HDX: variants seen among roughly 807,000 people sequenced by gnomAD.
The protein encoded by HDX is highly divergent homeobox.
Under a neutral mutation model 45.2 loss-of-function variants are expected in HDX, and 19 were observed. The observed-to-expected ratio is 0.42, with a 90% CI of 0.29 to 0.62. HDX has a LOEUF of 0.62. HDX is among the 20% of genes least tolerant of loss of function. HDX has a pLI of 0.20. For missense variants in HDX, 532 were observed against 493.9 expected, an observed-to-expected ratio of 1.08 and a Z score of -0.73; for synonymous variants, 188 against 172.8, an observed-to-expected ratio of 1.09 and a Z score of -0.69.
intron 5 of HDX, among the ~76,000 whole-genome samples, chrX:84,371,146 T>C: frequency 8.9e-6 from 1 of 111,970 alleles, no homozygotes; most frequent in South Asian, 3.7e-4. Flanking sequence ...GAAAATTTTC[T>C]CCTCAGTGCA....
chrX:84,340,974 G>C (rs1415191689), intron 7 of HDX, among the ~76,000 whole-genome samples: 1 of 111,302 alleles, frequency 9.0e-6, no homozygotes, highest in South Asian at 3.7e-4. Flanking sequence ...ATTAAGAGTG[G>C]ACCATTAAGT....
At chrX:84,473,044 G>A in intron 3 of HDX, among the ~76,000 whole-genome samples, 1 of 108,559 alleles carries the variant, frequency 9.2e-6, no homozygotes. Context: ...AGAAAGAAAA[G>A]TAATTCGGGT....
chrX:84,359,356 C>CA (rs1248446989), intron 6 of HDX, among the ~76,000 whole-genome samples: 1 of 109,420 alleles, frequency 9.1e-6, no homozygotes. Context: ...CCCCACCCCC[C>CA]AACAGGCCCC....
At chrX:84,463,200 T>A (rs757970172) in intron 4 of HDX, among the ~76,000 whole-genome samples, 11 of 111,188 alleles carry the variant, frequency 9.9e-5, no homozygotes, top group African/African-American at 3.3e-4. Flanking sequence ...TATTTAAAAG[T>A]GATCCCTGCT....
chrX:84,467,769 T>C (rs2040381161), intron 4 of HDX, among the ~76,000 whole-genome samples: 1 of 111,803 alleles, frequency 8.9e-6, no homozygotes, highest in African/African-American at 3.3e-5. Flanking sequence ...AGAGATGTTC[T>C]GAGGTAGGCT....
In HDX at chrX:84,326,271, C is replaced by T; in HGVS notation, c.1854G>A (p.Glu618=). 8.4e-7 allele frequency: 1 copy of T among 1,190,410 alleles called. No homozygotes were observed. ...KNEEVKFIEN[E]LEIQKQKYFK... ...AGTATTTTTGCTTTTGAATCTCGAG[C>T]TCATTTTCAATGAATTTGACTTCTT... The change falls in exon 10 of 11, where the codon GAG becomes GAA. Residue 618 remains glutamate (E), a synonymous_variant. Transcript: ENST00000373177.
At chrX:84,453,824 A>T (rs1324642639) in intron 4 of HDX, among the ~76,000 whole-genome samples, 1 of 111,595 alleles carries the variant, frequency 9.0e-6, no homozygotes, top group Non-Finnish European at 1.9e-5. Context: ...CCTTCCCTTC[A>T]CTTGAGTAGA....
chrX:84,441,871 A>C (rs1451535513), intron 4 of HDX, among the ~76,000 whole-genome samples: 1 of 111,300 alleles, frequency 9.0e-6, no homozygotes. Context: ...CTAAGTACTC[A>C]CACCCAAAAT....
chrX:84,447,135 G>T (rs1228785106), intron 4 of HDX, among the ~76,000 whole-genome samples: 3 of 111,687 alleles, frequency 2.7e-5, no homozygotes, highest in East Asian at 2.8e-4. Flanking sequence ...AGCAGCTAAG[G>T]GTTCTGGAAG....
intron 1 of HDX, among the ~76,000 whole-genome samples, chrX:84,497,059 G>A (rs1337838019): frequency 7.2e-5 from 8 of 111,381 alleles, no homozygotes; most frequent in African/African-American, 9.8e-5. Context: ...TTCCCACCTC[G>A]CTCTTACTCT....
At position 84,326,153 on chromosome X, in the gene HDX, C is replaced by G. The variant is rs1231614642; in HGVS notation, c.1947+25G>C. ...CATTTTTTGACTTGATACATTGCAG[C>G]TTACTAGTCTTTCCTGGGACCTACC... is the stretch of plus-strand genomic sequence containing the variant. On this transcript the variant is annotated intron_variant, in intron 10 of 10. Transcript: ENST00000373177. 3.3e-6 allele frequency: 4 copies of G among 1,198,686 alleles called. No individual in the cohort carries two copies. The African/African-American group carries it at 7.0e-5, about 21-fold the overall frequency.
intron 4 of HDX, among the ~76,000 whole-genome samples, chrX:84,447,064 CAG>C (rs751736743): frequency 1.5e-3 from 164 of 111,897 alleles, no homozygotes; most frequent in Admixed American, 5.6e-3. Flanking sequence ...ATGAAAACCT[CAG>C]AGAGACTGAA....
In HDX at chrX:84,321,722, T is replaced by C. The variant is rs41306257; in HGVS notation, c.*167A>G. On this transcript the variant is annotated 3_prime_UTR_variant, in exon 11 of 11. Transcript: ENST00000373177. ...ATGCTTTTAAATTTCACCTACATTT[T>C]TGTTGCACTGTAGCCATTATATCTT... 381 of 305,319 alleles carry C rather than the reference T, an allele frequency of 1.2e-3. No homozygotes were observed. The highest frequency in any genetic ancestry group is 2.3e-3 in the South Asian group (12 of 5,213). The allele number at this position is 305,319 out of a possible 1,213,427, so 25.2% of individuals were successfully genotyped here.
At chrX:84,334,322 G>T (rs1233766689) in intron 8 of HDX, among the ~76,000 whole-genome samples, 1 of 110,514 alleles carries the variant, frequency 9.0e-6, no homozygotes, top group African/African-American at 3.3e-5. Flanking sequence ...ACTGCACACT[G>T]CACAACTTTA....
intron 5 of HDX, among the ~76,000 whole-genome samples, chrX:84,374,769 T>C (rs1162115593): frequency 1.9e-5 from 2 of 106,582 alleles, no homozygotes; most frequent in African/African-American, 3.4e-5. Context: ...ACTTAAACGT[T>C]AGACCTAAAA....
chrX:84,446,473 A>G (rs987590693), intron 4 of HDX, among the ~76,000 whole-genome samples: 6 of 111,996 alleles, frequency 5.4e-5, no homozygotes, highest in Non-Finnish European at 1.1e-4. Context: ...CATGAATCAC[A>G]ACTCTGTATC....
intron 6 of HDX, among the ~76,000 whole-genome samples, chrX:84,354,840 T>G (rs1422880739): frequency 9.7e-6 from 1 of 103,463 alleles, no homozygotes; most frequent in Non-Finnish European, 2.0e-5. Context: ...TCCAAGTTAT[T>G]TCTTATGGTA....
chrX:84,420,764 A>G (rs1336396694), intron 5 of HDX, among the ~76,000 whole-genome samples: 2 of 109,356 alleles, frequency 1.8e-5, no homozygotes, highest in Non-Finnish European at 3.8e-5. Context: ...AACAAATAAC[A>G]TACAATGGAG....
intron 7 of HDX, among the ~76,000 whole-genome samples, chrX:84,342,368 A>G (rs139394868): frequency 3.6e-5 from 4 of 111,757 alleles, no homozygotes; most frequent in Non-Finnish European, 7.5e-5. Context: ...TCAATATACT[A>G]CAAAGCAAAG....
Sources: allele counts gnomAD v4.1 joint callset (sites outside exome capture counted in the v4.1 genomes callset), GRCh38; gene constraint gnomAD v4.1.1; transcripts MANE v1.5; gene names NCBI Gene and HGNC (gene_info 2026-07-23, HGNC 2026-07-21).